The following RAB31 variants were observed in gnomAD, a reference collection of about 807,000 sequenced individuals.
RAB31 encodes the protein ras-related protein Rab-31.
RAB31 carries 21 observed loss-of-function variants against 25.6 expected under a neutral mutation model. The observed-to-expected ratio is 0.82, with a 90% CI of 0.58 to 1.18. The LOEUF is 1.18. Ranked by LOEUF, RAB31 falls within the 50% of genes most tolerant of loss-of-function variation. RAB31 has a pLI of 0.00. For missense variants in RAB31, 196 were observed against 250.1 expected, an observed-to-expected ratio of 0.78 and a Z score of 1.46; for synonymous variants, 87 against 84.0, an observed-to-expected ratio of 1.04 and a Z score of -0.20.
intron 1 of RAB31, among the ~76,000 whole-genome samples, chr18:9,750,973 AC>A (rs1265960257): frequency 3.3e-5 from 5 of 152,170 alleles, no homozygotes; most frequent in African/African-American, 1.2e-4. Flanking sequence ...CACTCCTGGA[AC>A]GAGGCATCAT....
chr18:9,759,426 C>A (rs1431834251), intron 1 of RAB31, among the ~76,000 whole-genome samples: 1 of 151,826 alleles, frequency 6.6e-6, no homozygotes, highest in Non-Finnish European at 1.5e-5. Context: ...CCACCTCAGC[C>A]TCCCGAAGTG....
intron 1 of RAB31, among the ~76,000 whole-genome samples, chr18:9,771,698 C>T (rs558812856): frequency 6.6e-6 from 1 of 152,302 alleles, no homozygotes; most frequent in South Asian, 2.1e-4. Flanking sequence ...CAGCAGTCGC[C>T]CCTGGAGGTC....
At chr18:9,748,768 G>A (rs1024514447) in intron 1 of RAB31, among the ~76,000 whole-genome samples, 12 of 152,012 alleles carry the variant, frequency 7.9e-5, no homozygotes, top group Non-Finnish European at 1.5e-4. Context: ...GCATGTGCCT[G>A]TAATCCCAGC....
At chr18:9,765,256 C>G (rs908856249) in intron 1 of RAB31, among the ~76,000 whole-genome samples, 1 of 152,152 alleles carries the variant, frequency 6.6e-6, no homozygotes, top group Admixed American at 6.5e-5. Flanking sequence ...ACCCGGCTGC[C>G]CAGAGCTTTT....
chr18:9,728,352 C>T (rs576684329), intron 1 of RAB31, among the ~76,000 whole-genome samples: 3 of 152,184 alleles, frequency 2.0e-5, no homozygotes, highest in East Asian at 3.9e-4. Context: ...TCTTAATGTA[C>T]GTGAATGAAA....
intron 5 of RAB31, among the ~76,000 whole-genome samples, chr18:9,827,322 C>T (rs184741476): frequency 1.4e-4 from 21 of 152,070 alleles, no homozygotes; most frequent in Non-Finnish European, 1.5e-5. Context: ...CCCCTCAGAC[C>T]TAGTTTATTT....
At chr18:9,743,645 G>A (rs527748587) in intron 1 of RAB31, among the ~76,000 whole-genome samples, 1 of 152,232 alleles carries the variant, frequency 6.6e-6, no homozygotes, top group South Asian at 2.1e-4. Context: ...TGCGTTCTCA[G>A]GCCACATGCA....
At chr18:9,724,731 G>A (rs908684608) in intron 1 of RAB31, among the ~76,000 whole-genome samples, 4 of 152,210 alleles carry the variant, frequency 2.6e-5, no homozygotes, top group Admixed American at 6.5e-5. Flanking sequence ...ATGCAGATGA[G>A]CTTGTAATTG....
chr18:9,720,925 C>T (rs557331049), intron 1 of RAB31, among the ~76,000 whole-genome samples: 1 of 152,080 alleles, frequency 6.6e-6, no homozygotes, highest in Non-Finnish European at 1.5e-5. Context: ...CTGGCATCAA[C>T]AGGATGCAGA....
At chr18:9,718,729 A>G (rs2068056607) in intron 1 of RAB31, among the ~76,000 whole-genome samples, 1 of 152,164 alleles carries the variant, frequency 6.6e-6, no homozygotes, top group Admixed American at 6.5e-5. Flanking sequence ...CAGGGTGCCA[A>G]TACGGGCAGG....
At chr18:9,748,547 C>T (rs117642515) in intron 1 of RAB31, among the ~76,000 whole-genome samples, 3,337 of 151,652 alleles carry the variant, frequency 0.022, 39 homozygotes, top group Middle Eastern at 0.034. Context: ...GCCTAAAGAA[C>T]GTAAAATTTG....
intron 6 of RAB31, among the ~76,000 whole-genome samples, chr18:9,850,791 A>G (rs1001812914): frequency 1.3e-5 from 2 of 152,204 alleles, no homozygotes; most frequent in Non-Finnish European, 2.9e-5. Flanking sequence ...ACTTGGGCCC[A>G]GGAGTTTGAG....
intron 2 of RAB31, 144 bp from the exon 3 acceptor site, chr18:9,792,010 T>C: frequency 8.9e-7 from 1 of 1,120,024 alleles, no homozygotes; most frequent in Non-Finnish European, 1.2e-6. Context: ...TCATGAGTCT[T>C]CTAGCCCTTT....
chr18:9,710,357 A>G (rs567206116), intron 1 of RAB31, among the ~76,000 whole-genome samples: 49 of 152,344 alleles, frequency 3.2e-4, no homozygotes, highest in Admixed American at 7.2e-4. Flanking sequence ...CAGGGTGCCA[A>G]TTAGCAAACC....
At position 9,735,879 on chromosome 18, in the gene RAB31, C is replaced by T. The variant is rs116549864; in HGVS notation, c.39+27435C>T. ...CTTTAAGCAGAGTCTTGCTGTCAGCCAGATTGGAGTGCCATGGTGAGATAA... is the reference window on the plus strand; with the variant it reads ...CTTTAAGCAGAGTCTTGCTGTCAGCTAGATTGGAGTGCCATGGTGAGATAA... On this transcript the variant is annotated intron_variant, in intron 1 of 6. Coordinates refer to ENST00000578921, the MANE Select transcript of RAB31 (RefSeq NM_006868.4). Among the ~76,000 whole-genome samples, 1,316 of 152,254 alleles carry T rather than the reference C, an allele frequency of 8.6e-3. 21 individuals are homozygous for T. The highest frequency in any genetic ancestry group is 0.029 in the African/African-American group (1,214 of 41,542).
intron 3 of RAB31, among the ~76,000 whole-genome samples, chr18:9,812,613 C>T (rs957187715): frequency 6.6e-6 from 1 of 151,030 alleles, no homozygotes; most frequent in Non-Finnish European, 1.5e-5. Flanking sequence ...TGTGATTTAC[C>T]TTTATATATA....
At chr18:9,777,709 CTTTT>C (rs2068379520) in intron 2 of RAB31, among the ~76,000 whole-genome samples, 1 of 149,372 alleles carries the variant, frequency 6.7e-6, no homozygotes, top group Non-Finnish European at 1.5e-5. Context: ...ACTTTCTAAA[CTTTT>C]GTTTAAAAAT....
intron 1 of RAB31, among the ~76,000 whole-genome samples, chr18:9,715,741 C>A (rs984021303): frequency 6.6e-6 from 1 of 152,010 alleles, no homozygotes; most frequent in Non-Finnish European, 1.5e-5. Context: ...CCACGTTGGC[C>A]GGCTGGTCTC....
intron 6 of RAB31, among the ~76,000 whole-genome samples, chr18:9,848,872 T>A (rs1307939611): frequency 1.3e-5 from 2 of 152,270 alleles, no homozygotes; most frequent in Non-Finnish European, 2.9e-5. Flanking sequence ...CTGTGTTTTC[T>A]GAACATTGGC....
Sources: gnomAD v4.1 joint callset for allele counts (sites outside exome capture counted in the v4.1 genomes callset) on GRCh38, gnomAD v4.1.1 for gene constraint, MANE v1.5 for transcripts, NCBI Gene and HGNC (gene_info 2026-07-23, HGNC 2026-07-21) for gene names.